Variants in SLC44A5 observed in about 807,000 individuals in gnomAD.
SLC44A5 encodes the protein choline transporter-like protein 5.
A neutral mutation model predicts 101.8 loss-of-function variants in SLC44A5; 57 were observed. The ratio of observed to expected loss-of-function variants is 0.56; its 90% CI spans 0.45 to 0.70. The LOEUF is 0.70. SLC44A5 is among the 30% of genes least tolerant of loss of function. The pLI, the probability that SLC44A5 is intolerant of heterozygous loss-of-function variation, is 0.00. For synonymous variants in SLC44A5, 281 were observed against 290.9 expected (o/e 0.97, Z 0.35); for missense variants, 737 against 853.1 (o/e 0.86, Z 1.70).
the SLC44A5 span, among the ~76,000 whole-genome samples, chr1:75,688,076 T>C: frequency 6.6e-6 from 1 of 152,184 alleles, no homozygotes; most frequent in Admixed American, 6.5e-5. Flanking sequence ...CAAACCTTGT[T>C]TGCCCTGATG....
the SLC44A5 span, among the ~76,000 whole-genome samples, chr1:75,701,969 C>A: frequency 6.6e-6 from 1 of 152,058 alleles, no homozygotes; most frequent in African/African-American, 2.4e-5. Context: ...AGGACCTCTT[C>A]AAGGAGAACT....
At chr1:75,293,085 G>C (rs1653689814) in intron 5 of SLC44A5, among the ~76,000 whole-genome samples, 9 of 152,194 alleles carry the variant, frequency 5.9e-5, no homozygotes, top group African/African-American at 4.8e-5. Flanking sequence ...AAAACAGAAA[G>C]AGAAGAGAGA....
rs1258634632 is a variant in SLC44A5, at chr1:75,380,364, C to T, written c.52+16219G>A. ...TTCATACTAGTGTGGTTGATTCAGA[C>T]TATAAAGGTGAAATTCAATTGGTTA... On this transcript the variant is annotated intron_variant, in intron 3 of 23. Transcript: ENST00000370859. Among the ~76,000 whole-genome samples, 13 of 84,186 alleles carry T rather than the reference C, an allele frequency of 1.5e-4. 2 individuals carry two copies. Among genetic ancestry groups the T allele is most frequent in the African/African-American group, 3.8e-4 (5 of 13,144 alleles). 55.2% of individuals were successfully genotyped at this position (84,186 alleles called of 152,430 possible).
At chr1:75,687,006 T>C in the SLC44A5 span, among the ~76,000 whole-genome samples, 3 of 151,854 alleles carry the variant, frequency 2.0e-5, no homozygotes, top group African/African-American at 7.3e-5. Context: ...TAATACAGAG[T>C]GGTCGCAGAA....
At chr1:75,701,328 C>T in the SLC44A5 span, among the ~76,000 whole-genome samples, 1 of 152,194 alleles carries the variant, frequency 6.6e-6, no homozygotes, top group Non-Finnish European at 1.5e-5. Context: ...GGGCTTCATC[C>T]CTGGGATGTG....
At position 75,572,507 on chromosome 1, in the gene SLC44A5, C is replaced by T. The variant is rs78691362; in HGVS notation, c.-69-30991G>A. On this transcript the variant is annotated intron_variant, in intron 1 of 23. Coordinates refer to ENST00000370859, the MANE Select transcript of SLC44A5 (RefSeq NM_001130058.2). The stretch of plus-strand genomic sequence containing the variant: ...AATAGAGAAGGAAATATATTACTAA[C>T]GCACTGTGCCTAGCTCTGCAGACAT... Among the ~76,000 whole-genome samples, 996 of 152,222 alleles carry T rather than the reference C, an allele frequency of 6.5e-3. 15 individuals are homozygous for T. Among genetic ancestry groups the T allele is most frequent in the African/African-American group, 0.023 (962 of 41,538 alleles).
intron 14 of SLC44A5, 73 bp downstream of exon 14, chr1:75,222,288 A>G: frequency 8.8e-7 from 1 of 1,133,646 alleles, no homozygotes; most frequent in Non-Finnish European, 1.3e-6. Flanking sequence ...TAGGTGAGAT[A>G]TTTATGCAAG....
the SLC44A5 span, among the ~76,000 whole-genome samples, chr1:75,632,324 G>A: frequency 1.1e-5 from 1 of 87,166 alleles, no homozygotes; most frequent in South Asian, 4.7e-4. Flanking sequence ...AACAAATGCT[G>A]TGCTAACTCA....
chr1:75,493,302 A>G (rs1252704717), intron 2 of SLC44A5, among the ~76,000 whole-genome samples: 2 of 152,214 alleles, frequency 1.3e-5, no homozygotes, highest in Admixed American at 1.3e-4. Context: ...TTTTTTCTCC[A>G]TAATTGAAAG....
chr1:75,389,599 A>T (rs982558177), intron 3 of SLC44A5, among the ~76,000 whole-genome samples: 50 of 152,220 alleles, frequency 3.3e-4, no homozygotes, highest in African/African-American at 4.8e-5. Flanking sequence ...GAAATAAAAA[A>T]ATTCTTTGAA....
Position 75,459,493 on chromosome 1 carries a change from C to A in SLC44A5, c.14-62872G>T, listed in dbSNP as rs539671519. On this transcript the variant is annotated intron_variant, in intron 2 of 23. Coordinates refer to ENST00000370859, the MANE Select transcript of SLC44A5 (RefSeq NM_001130058.2). ...GAGGATCCCCTTCTATTCCCAGCACCTGACAACCACTCGCAGATGTTTGTT... is the reference window on the plus strand; with the variant it reads ...GAGGATCCCCTTCTATTCCCAGCACATGACAACCACTCGCAGATGTTTGTT... Among the ~76,000 whole-genome samples, 3 of 152,250 alleles carry A rather than the reference C, an allele frequency of 2.0e-5. No homozygotes were observed. In the East Asian group the frequency reaches 5.8e-4, roughly 29 times the overall value.
chr1:75,466,032 C>T lies in SLC44A5; in HGVS notation c.14-69411G>A, dbSNP rs115379437. On this transcript the variant is annotated intron_variant, in intron 2 of 23. Coordinates refer to ENST00000370859, the MANE Select transcript of SLC44A5 (RefSeq NM_001130058.2). ...TACTTCCAAACTCATTCTACGAGGC[C>T]AGTATTACTCTTATATCCAAATCAG... is the stretch of plus-strand genomic sequence containing the variant. Among the ~76,000 whole-genome samples, 1,238 of 152,176 alleles carry T rather than the reference C, an allele frequency of 8.1e-3. 9 individuals carry two copies. The highest frequency in any genetic ancestry group is 0.013 in the Non-Finnish European group (864 of 68,006).
At chr1:75,690,186 G>C in the SLC44A5 span, among the ~76,000 whole-genome samples, 33 of 152,166 alleles carry the variant, frequency 2.2e-4, no homozygotes, top group African/African-American at 7.7e-4. Flanking sequence ...AGTTCTGCAT[G>C]ACTGGTGAGG....
the SLC44A5 span, among the ~76,000 whole-genome samples, chr1:75,626,426 A>G: frequency 6.6e-6 from 1 of 152,082 alleles, no homozygotes; most frequent in Non-Finnish European, 1.5e-5. Flanking sequence ...CTCATAGAAA[A>G]ACAGTTCAAA....
chr1:75,499,328 A>C lies in SLC44A5; in HGVS notation c.13+42107T>G, dbSNP rs1668829517. On this transcript the variant is annotated intron_variant, in intron 2 of 23. Transcript: ENST00000370859. Reference sequence around the variant, plus strand: ...TTATCATAAGGTGCACACAACATAGATCCCTCGCACGTGCAGTTCACAACA... The same window carrying C: ...TTATCATAAGGTGCACACAACATAGCTCCCTCGCACGTGCAGTTCACAACA... Among the ~76,000 whole-genome samples, 3 of 152,290 alleles carry C rather than the reference A, an allele frequency of 2.0e-5. No homozygotes were observed. The South Asian group carries it at 6.2e-4, about 32-fold the overall frequency.
At chr1:75,479,163 A>G (rs1057383937) in intron 2 of SLC44A5, among the ~76,000 whole-genome samples, 1 of 152,230 alleles carries the variant, frequency 6.6e-6, no homozygotes, top group Non-Finnish European at 1.5e-5. Context: ...TGGGTACATA[A>G]CGAAATGAAG....
Position 75,274,954 on chromosome 1 carries a change from T to C in SLC44A5, c.260+4A>G. 3 of 1,610,326 alleles carry C rather than the reference T, an allele frequency of 1.9e-6. No individual in the cohort carries two copies. Among genetic ancestry groups the C allele is most frequent in the Non-Finnish European group, 2.5e-6 (3 of 1,177,698 alleles). On this transcript the variant is annotated splice_donor_region_variant and intron_variant, in intron 6 of 23. Transcript: ENST00000370859. ...TCACACAAAGCAAAGGTGGCCATAC[T>C]CACTCATTGGGAGTGCCCTTCTGGC...
chr1:75,664,195 A>G, the SLC44A5 span, among the ~76,000 whole-genome samples: 1 of 152,108 alleles, frequency 6.6e-6, no homozygotes, highest in African/African-American at 2.4e-5. Context: ...CCCACCACCA[A>G]CATCTTACTG....
At chr1:75,696,611 A>G in the SLC44A5 span, among the ~76,000 whole-genome samples, 5 of 152,174 alleles carry the variant, frequency 3.3e-5, no homozygotes, top group Admixed American at 6.5e-5. Flanking sequence ...GAAGGTGAAC[A>G]TCGGCCAGGT....
Sources: allele counts gnomAD v4.1 joint callset (sites outside exome capture counted in the v4.1 genomes callset), GRCh38; gene constraint gnomAD v4.1.1; transcripts MANE v1.5; gene names NCBI Gene and HGNC (gene_info 2026-07-23, HGNC 2026-07-21).